The following STK3 variants were observed in gnomAD, a reference collection of about 807,000 sequenced individuals.
STK3 encodes the protein serine/threonine kinase 3.
A neutral mutation model predicts 58.0 loss-of-function variants in STK3; 41 were observed. That is an observed-to-expected ratio of 0.71 (90% CI 0.55 to 0.92). The LOEUF is 0.92. Among genes scored for constraint, STK3 ranks in the 40% least tolerant of loss-of-function variants. STK3 has a pLI of 0.00. For synonymous variants in STK3, 170 were observed against 191.0 expected, an observed-to-expected ratio of 0.89 and a Z score of 0.91; for missense variants, 479 against 602.7, an observed-to-expected ratio of 0.79 and a Z score of 2.15.
intron 6 of STK3, among the ~76,000 whole-genome samples, chr8:98,662,080 GAGTA>G (rs1319781350): frequency 6.6e-6 from 1 of 152,040 alleles, no homozygotes; most frequent in Non-Finnish European, 1.5e-5. Flanking sequence ...GTCTGCCATG[GAGTA>G]AGTGTTTAAT....
intron 1 of STK3, among the ~76,000 whole-genome samples, chr8:98,783,314 G>T (rs967687557): frequency 6.6e-6 from 1 of 152,166 alleles, no homozygotes; most frequent in East Asian, 1.9e-4. Flanking sequence ...TAAAAATAAT[G>T]TTTGAGGTGA....
chr8:98,596,582 T>A (rs1815844359), intron 6 of STK3, among the ~76,000 whole-genome samples: 1 of 152,202 alleles, frequency 6.6e-6, no homozygotes. Context: ...AATTTGCTTT[T>A]GCAATCCAGA....
intron 6 of STK3, among the ~76,000 whole-genome samples, chr8:98,664,315 A>G (rs190563168): frequency 1.1e-4 from 17 of 152,338 alleles, no homozygotes; most frequent in Admixed American, 7.8e-4. Flanking sequence ...GGATTGCAAT[A>G]TGAGTGATCA....
At chr8:98,379,501 A>G (rs1817710493) in intron 1 of STK3, among the ~76,000 whole-genome samples, 1 of 152,196 alleles carries the variant, frequency 6.6e-6, no homozygotes, top group Non-Finnish European at 1.5e-5. Context: ...GATTGCTCCC[A>G]CACTGTGCTG....
intron 7 of STK3, among the ~76,000 whole-genome samples, chr8:98,590,438 A>T (rs1253959907): frequency 6.6e-6 from 1 of 152,218 alleles, no homozygotes; most frequent in African/African-American, 2.4e-5. Context: ...AAGGAGTCAG[A>T]GAGCCTTGGG....
At chr8:98,622,158 C>T (rs1818382001) in intron 6 of STK3, among the ~76,000 whole-genome samples, 1 of 151,242 alleles carries the variant, frequency 6.6e-6, no homozygotes, top group African/African-American at 2.4e-5. Context: ...GCCTGTGTTC[C>T]CAGCTATTCG....
chr8:98,458,231 T>A (rs1819651530), intron 10 of STK3, among the ~76,000 whole-genome samples: 1 of 152,140 alleles, frequency 6.6e-6, no homozygotes, highest in Non-Finnish European at 1.5e-5. Context: ...GTTGGTATTT[T>A]GATAGGAAAT....
intron 9 of STK3, among the ~76,000 whole-genome samples, chr8:98,547,661 T>C (rs1810813343): frequency 6.6e-6 from 1 of 152,176 alleles, no homozygotes; most frequent in Non-Finnish European, 1.5e-5. Flanking sequence ...ACTTTTTTAA[T>C]TGGGAAAGTA....
At chr8:98,622,019 T>A (rs1027071307) in intron 6 of STK3, among the ~76,000 whole-genome samples, 2 of 151,038 alleles carry the variant, frequency 1.3e-5, no homozygotes, top group Non-Finnish European at 2.9e-5. Context: ...ATCCCAGTAC[T>A]TTGGGAGGCT....
chr8:98,542,090 G>A, intron 9 of STK3, among the ~76,000 whole-genome samples: 1 of 152,124 alleles, frequency 6.6e-6, no homozygotes, highest in Non-Finnish European at 1.5e-5. Flanking sequence ...CTATTTTATA[G>A]GATCCTTGTG....
At chr8:98,871,245 AG>A (rs1444626668) in intron 3 of STK3, among the ~76,000 whole-genome samples, 1 of 152,180 alleles carries the variant, frequency 6.6e-6, no homozygotes, top group Admixed American at 6.6e-5. Context: ...TGATTACTGT[AG>A]CCTTGTAGTA....
intron 10 of STK3, among the ~76,000 whole-genome samples, chr8:98,497,350 G>C (rs1035765456): frequency 6.6e-6 from 1 of 151,922 alleles, no homozygotes. Flanking sequence ...ACTCTTGGAC[G>C]AACATGTAAG....
At chr8:98,619,280 G>T (rs1203967753) in intron 6 of STK3, among the ~76,000 whole-genome samples, 1 of 151,086 alleles carries the variant, frequency 6.6e-6, no homozygotes, top group Non-Finnish European at 1.5e-5. Flanking sequence ...AGCTGAAACT[G>T]GATCCCTTCC....
intron 6 of STK3, among the ~76,000 whole-genome samples, chr8:98,614,739 C>A (rs1054491621): frequency 7.2e-5 from 11 of 152,314 alleles, no homozygotes; most frequent in Middle Eastern, 3.4e-3. Flanking sequence ...CCGAATACTG[C>A]GCTTTTCAGA....
chr8:98,835,794 G>T (rs554654796), intron 3 of STK3, among the ~76,000 whole-genome samples: 1 of 152,272 alleles, frequency 6.6e-6, no homozygotes, highest in Admixed American at 6.5e-5. Context: ...CAATCCTGGG[G>T]GGCCTCTTCC....
chr8:98,803,075 C>A (rs909296880), intron 1 of STK3, among the ~76,000 whole-genome samples: 3 of 152,188 alleles, frequency 2.0e-5, no homozygotes, highest in Non-Finnish European at 4.4e-5. Flanking sequence ...GGGTATGATT[C>A]TCTCTACGCT....
chr8:98,764,834 G>A (rs1243357526), intron 3 of STK3, among the ~76,000 whole-genome samples: 4 of 150,634 alleles, frequency 2.7e-5, no homozygotes, highest in Non-Finnish European at 5.9e-5. Context: ...ACTCAGGTAA[G>A]AGACTGGAGG....
At chr8:98,740,549 G>C (rs1441328936) in intron 4 of STK3, among the ~76,000 whole-genome samples, 2 of 152,166 alleles carry the variant, frequency 1.3e-5, no homozygotes, top group South Asian at 2.1e-4. Flanking sequence ...AAGGCTGAGA[G>C]ATTTTGTCAC....
chr8:98,850,616 G>A (rs971015618), intron 3 of STK3, among the ~76,000 whole-genome samples: 2 of 152,110 alleles, frequency 1.3e-5, no homozygotes, highest in Non-Finnish European at 2.9e-5. Flanking sequence ...AGGGAATTTC[G>A]GGTGTTGGAG....
Sources: gnomAD v4.1 joint callset for allele counts (sites outside exome capture counted in the v4.1 genomes callset) on GRCh38, gnomAD v4.1.1 for gene constraint, MANE v1.5 for transcripts, NCBI Gene and HGNC (gene_info 2026-07-23, HGNC 2026-07-21) for gene names.